The following PLB1 variants were observed in gnomAD, a reference collection of about 807,000 sequenced individuals.
PLB1 encodes phospholipase B1, also known as phospholipase B1, membrane-associated.
PLB1 carries 242 observed loss-of-function variants against 227.4 expected under a neutral mutation model. The ratio of observed to expected loss-of-function variants is 1.06; its 90% confidence interval spans 0.96 to 1.18. The LOEUF is 1.18. PLB1 is among the 50% of genes most tolerant of loss of function. PLB1 has a pLI of 0.00. For synonymous variants in PLB1, 757 were observed against 682.2 expected (o/e 1.11, Z -1.71); for missense variants, 1,858 against 1,816.3 (o/e 1.02, Z -0.42).
At position 28,640,746 on chromosome 2, in the gene PLB1, G is replaced by A. The variant is rs569845766; in HGVS notation, c.4099-181G>A. On this transcript the variant is annotated intron_variant, in intron 56 of 57. Coordinates refer to ENST00000327757, the MANE Select transcript of PLB1 (RefSeq NM_153021.5). ...CTGCCTAGCCTTCTGTGTGTCATAA[G>A]TCAACTCCCGCTCAGCCCCAGGCTG... Among the ~76,000 whole-genome samples, 13 of 152,290 alleles carry A rather than the reference G, an allele frequency of 8.5e-5. No homozygotes were observed. In the South Asian group the frequency reaches 2.7e-3, roughly 32 times the overall value.
chr2:28,518,678 ATTTCC>A, intron 3 of PLB1, 146 bp downstream of exon 3: 1 of 613,612 alleles, frequency 1.6e-6, no homozygotes, highest in Non-Finnish European at 2.9e-6. Flanking sequence ...GTGACAGATG[ATTTCC>A]CAGTCATCTG....
At chr2:28,539,921 A>C (rs1420393615) in intron 11 of PLB1, among the ~76,000 whole-genome samples, 1 of 148,324 alleles carries the variant, frequency 6.7e-6, no homozygotes, top group East Asian at 2.0e-4. Flanking sequence ...TCTACCCCCC[A>C]GGAAAAGCTT....
At chr2:28,546,568 G>T (rs35527318) in intron 14 of PLB1, among the ~76,000 whole-genome samples, 11,421 of 152,214 alleles carry the variant, frequency 0.075, 512 homozygotes, top group Middle Eastern at 0.14. Flanking sequence ...GCATTTATGG[G>T]ACCCACAGTG....
chr2:28,545,299 TG>T (rs1349400363), intron 14 of PLB1, among the ~76,000 whole-genome samples: 1 of 152,086 alleles, frequency 6.6e-6, no homozygotes, highest in Non-Finnish European at 1.5e-5. Context: ...AGCAGGGACA[TG>T]GGGGGCAGGG....
At chr2:28,642,249 C>T (rs1690057724) in intron 57 of PLB1, among the ~76,000 whole-genome samples, 1 of 152,108 alleles carries the variant, frequency 6.6e-6, no homozygotes, top group Non-Finnish European at 1.5e-5. Context: ...CCTCCTGGGC[C>T]ACAAGAAAAG....
At chr2:28,512,090 A>ATC (rs961525799) in intron 1 of PLB1, among the ~76,000 whole-genome samples, 10 of 52,104 alleles carry the variant, frequency 1.9e-4, no homozygotes, top group Middle Eastern at 0.016. Context: ...CCCCCCACCC[A>ATC]TCTCTCTCTC....
chr2:28,607,205 G>A (rs1245228796), intron 43 of PLB1, among the ~76,000 whole-genome samples: 1 of 152,160 alleles, frequency 6.6e-6, no homozygotes. Flanking sequence ...TTCTAGGCCC[G>A]GTCTTATGGC....
rs1418388498 is a variant in PLB1 at position 28,516,792 on chromosome 2, T to C, written c.56-16T>C. On this transcript the variant is annotated splice_polypyrimidine_tract_variant and intron_variant, in intron 1 of 57. Transcript: ENST00000327757. Reference sequence around the variant, plus strand: ...ATTCCAGCTAAATAACTTGAACTATTTCTGCTTTCTTTCAGGGACCCCTCA... The same window carrying C: ...ATTCCAGCTAAATAACTTGAACTATCTCTGCTTTCTTTCAGGGACCCCTCA... 1 of 1,609,176 alleles carries C rather than the reference T, an allele frequency of 6.2e-7. No individual in the cohort carries two copies. The highest frequency in any genetic ancestry group is 1.1e-5 in the South Asian group (1 of 90,890).
chr2:28,510,705 C>T (rs899900066), intron 1 of PLB1, among the ~76,000 whole-genome samples: 1 of 131,608 alleles, frequency 7.6e-6, no homozygotes, highest in Non-Finnish European at 1.5e-5. Context: ...CTCACTGAAA[C>T]CTCAAACTCC....
intron 4 of PLB1, among the ~76,000 whole-genome samples, chr2:28,522,629 C>A (rs1669671329): frequency 6.6e-6 from 1 of 152,120 alleles, no homozygotes; most frequent in African/African-American, 2.4e-5. Flanking sequence ...AACTTTAAGC[C>A]CGTCAGTGAC....
intron 20 of PLB1, among the ~76,000 whole-genome samples, chr2:28,570,310 A>T (rs1677790589): frequency 6.6e-6 from 1 of 152,240 alleles, no homozygotes; most frequent in African/African-American, 2.4e-5. Context: ...AATATGAAAA[A>T]AAAAGTATAC....
intron 4 of PLB1, among the ~76,000 whole-genome samples, chr2:28,522,716 C>CG (rs1164170663): frequency 2.6e-5 from 4 of 152,188 alleles, no homozygotes; most frequent in African/African-American, 4.8e-5. Flanking sequence ...TGCTGTCACT[C>CG]GGCCCCCCCT....
intron 14 of PLB1, among the ~76,000 whole-genome samples, chr2:28,548,089 G>T (rs775390584): frequency 2.6e-4 from 40 of 152,128 alleles, no homozygotes; most frequent in Non-Finnish European, 5.4e-4. Context: ...CGGTTTGTGA[G>T]TGTTGGCTGT....
intron 39 of PLB1, among the ~76,000 whole-genome samples, chr2:28,603,572 G>A (rs555562360): frequency 6.6e-6 from 1 of 152,192 alleles, no homozygotes; most frequent in East Asian, 1.9e-4. Flanking sequence ...AGAAGGAGAG[G>A]TCTAAGGCAT....
At chr2:28,593,961 T>TTTG (rs10664386) in intron 33 of PLB1, 1 of 739,064 alleles carries the variant, frequency 1.4e-6, no homozygotes, top group Non-Finnish European at 2.5e-6. Flanking sequence ...TTTTTTTTTT[T>TTTG]GATTGTGCAG....
At position 28,581,502 on chromosome 2, in the gene PLB1, T is replaced by A. The variant is rs771344813; in HGVS notation, c.1567-566T>A. Among the ~76,000 whole-genome samples, 184 of 93,814 alleles carry A rather than the reference T, an allele frequency of 2.0e-3. 4 individuals are homozygous for A. Among genetic ancestry groups the A allele is most frequent in the African/African-American group, 3.6e-3 (67 of 18,686 alleles). 61.5% of individuals were successfully genotyped at this position (93,814 alleles called of 152,430 possible). On this transcript the variant is annotated intron_variant, in intron 23 of 57. Coordinates refer to ENST00000327757, the MANE Select transcript of PLB1 (RefSeq NM_153021.5). ...CCACGCAAAAAAATAAATAAATAAA[T>A]AAATAAATAAATAAATAAATAAATA...
At chr2:28,590,786 G>A (rs992593438) in intron 29 of PLB1, among the ~76,000 whole-genome samples, 1 of 152,124 alleles carries the variant, frequency 6.6e-6, no homozygotes, top group Non-Finnish European at 1.5e-5. Flanking sequence ...AAGGAGCCTG[G>A]GGAGCGGAGA....
intron 14 of PLB1, among the ~76,000 whole-genome samples, chr2:28,544,337 C>A (rs1672916790): frequency 6.6e-6 from 1 of 152,220 alleles, no homozygotes; most frequent in African/African-American, 2.4e-5. Context: ...GAACCTGGCC[C>A]CTCCAGCAGG....
intron 41 of PLB1, 82 bp from the exon 42 acceptor site, chr2:28,605,771 G>A: frequency 9.4e-7 from 1 of 1,063,760 alleles, no homozygotes; most frequent in South Asian, 1.4e-5. Context: ...GGTGTTGAGT[G>A]GTCAGTCCCA....
Sources: gnomAD v4.1 joint callset for allele counts (sites outside exome capture counted in the v4.1 genomes callset) on GRCh38, gnomAD v4.1.1 for gene constraint, MANE v1.5 for transcripts, NCBI Gene and HGNC (gene_info 2026-07-23, HGNC 2026-07-21) for gene names.